APTX: variants seen among roughly 807,000 people sequenced by gnomAD.
APTX encodes the protein aprataxin, also known as forkhead-associated domain histidine triad-like protein.
A neutral mutation model predicts 42.3 loss-of-function variants in APTX; 33 were observed. The ratio of observed to expected loss-of-function variants is 0.78; its 90% CI spans 0.59 to 1.04. APTX has a LOEUF of 1.04. Among genes scored for constraint, APTX ranks in the 50% least tolerant of loss-of-function variants. The pLI is 0.00. For synonymous variants in APTX, 130 were observed against 146.7 expected, an observed-to-expected ratio of 0.89 and a Z score of 0.82; for missense variants, 421 against 415.1, an observed-to-expected ratio of 1.01 and a Z score of -0.12.
intron 6 of APTX, chr9:32,980,494 A>AGTGG (rs1468233536): frequency 1.3e-5 from 2 of 152,824 alleles, no homozygotes; most frequent in African/African-American, 4.8e-5. Context: ...AACAAGCCTC[A>AGTGG]GTGGTCCTGA....
chr9:32,998,863 A>G (rs1243652598), intron 1 of APTX, among the ~76,000 whole-genome samples: 4 of 151,042 alleles, frequency 2.6e-5, no homozygotes, highest in South Asian at 2.1e-4. Flanking sequence ...CCCAGAACTT[A>G]AAGTATAAAA....
chr9:32,985,326 GTTTTT>G (rs5897530), intron 5 of APTX, among the ~76,000 whole-genome samples: 5 of 103,076 alleles, frequency 4.9e-5, no homozygotes, highest in African/African-American at 1.3e-4. Flanking sequence ...GATGATGCCT[GTTTTT>G]TTTTTTTTTT....
Position 33,015,788 on chromosome 9 carries a change from G to A in APTX, c.-5+9235C>T, listed in dbSNP as rs1365649884. 2.0e-5 allele frequency: 3 copies of A among 151,864 alleles called. No homozygotes were observed. The South Asian group carries it at 6.2e-4, about 32-fold the overall frequency. 9.4% of individuals were successfully genotyped at this position (151,864 alleles called of 1,614,324 possible). A position where few individuals can be genotyped will look rare whatever the true frequency, so the allele number is the denominator to read the frequency against. On this transcript the variant is annotated intron_variant, in intron 1 of 6. Transcript: ENST00000436040. ...AGTAGATCTTGATGTCATATCATGG[G>A]CTTATAGGACACACTGAAGTTGTTT... is the stretch of plus-strand genomic sequence containing the variant.
Position 33,001,604 on chromosome 9 carries a change from T to G in APTX, c.-42A>C, listed in dbSNP as rs758583218. ...GAGACGGACAAATTCACGTTACTCA[T>G]CTGTGCCTCACCGCTTCCGGCGCTG... On this transcript the variant is annotated 5_prime_UTR_variant, in exon 1 of 8. It removes an upstream start codon present in the reference 5' UTR. Transcript: ENST00000379817. The G allele has an allele frequency of 6.2e-7, 1 of 1,613,970 alleles. No homozygotes were observed. Among genetic ancestry groups the G allele is most frequent in the East Asian group, 2.2e-5 (1 of 44,882 alleles).
upstream of APTX, chr9:33,001,652 T>A: frequency 3.1e-6 from 5 of 1,610,806 alleles, no homozygotes; most frequent in South Asian, 1.1e-5. Flanking sequence ...AGAGGCCGGC[T>A]GTATCGCGAC....
chr9:32,985,110 AC>A (rs1246847674), intron 5 of APTX, among the ~76,000 whole-genome samples: 5 of 152,354 alleles, frequency 3.3e-5, no homozygotes, highest in African/African-American at 1.2e-4. Flanking sequence ...CCACCACACT[AC>A]ACAGAATACA....
chr9:33,007,022 AAG>A (rs1491012149), intron 1 of APTX, among the ~76,000 whole-genome samples: 2,617 of 129,826 alleles, frequency 0.02, 89 homozygotes, highest in East Asian at 0.044. Flanking sequence ...AAAAAAAAAA[AAG>A]AAAGAAAGAA....
intron 4 of APTX, 56 bp from the exon 5 acceptor site, chr9:32,986,086 A>C: frequency 6.8e-7 from 1 of 1,473,384 alleles, no homozygotes; most frequent in Non-Finnish European, 9.3e-7. Flanking sequence ...AATGTAAATT[A>C]CAAATGCCAA....
intron 6 of APTX, 132 bp downstream of exon 6, chr9:32,984,499 C>T: frequency 1.1e-6 from 1 of 878,818 alleles, no homozygotes; most frequent in South Asian, 1.4e-5. Context: ...AGCTTCAGCC[C>T]ACCTGCTTTG....
Position 32,973,298 on chromosome 9 carries a change from A to C in APTX, c.*200T>G. 1 of 693,248 alleles carries C rather than the reference A, an allele frequency of 1.4e-6. No individual in the cohort carries two copies. Among genetic ancestry groups the C allele is most frequent in the Non-Finnish European group, 2.6e-6 (1 of 388,198 alleles). The allele number at this position is 693,248 out of a possible 1,614,324, so 42.9% of individuals were successfully genotyped here. A position where few individuals can be genotyped will look rare whatever the true frequency, so the allele number is the denominator to read the frequency against. ...CCCAGCCACCCTCACCAGAGAATACATCTATGACAAACCCAAATTCCTAAT... is the reference window on the plus strand; with the variant it reads ...CCCAGCCACCCTCACCAGAGAATACCTCTATGACAAACCCAAATTCCTAAT... On this transcript the variant is annotated 3_prime_UTR_variant, in exon 8 of 8. Coordinates refer to ENST00000379817, the MANE Select transcript of APTX (RefSeq NM_001195248.2).
chr9:32,992,244 C>A (rs1157763715), intron 1 of APTX, among the ~76,000 whole-genome samples: 2 of 152,148 alleles, frequency 1.3e-5, no homozygotes, highest in Non-Finnish European at 2.9e-5. Flanking sequence ...AAAAAAGAAA[C>A]CCGATTTTTA....
At chr9:33,011,584 C>T (rs1372252772) in intron 1 of APTX, among the ~76,000 whole-genome samples, 3 of 152,144 alleles carry the variant, frequency 2.0e-5, no homozygotes, top group African/African-American at 7.2e-5. Context: ...CGCGCCCGCC[C>T]GAAGTGCCAT....
chr9:32,973,602 T>G lies in APTX; in HGVS notation c.925A>C (p.Met309Leu), dbSNP rs747796522. 1 of 1,612,086 alleles carries G rather than the reference T, an allele frequency of 6.2e-7. No individual in the cohort carries two copies. Among genetic ancestry groups the G allele is most frequent in the Non-Finnish European group, 8.5e-7 (1 of 1,179,816 alleles). ...AGGGGCAGCTTCAAGAGCTCAGGCA[T>G]CCCATCTCGGACAGTTACTCTACCA... is the stretch of plus-strand genomic sequence containing the variant. ...EAGRVTVRDGMPELLKLPLRC... is the reference protein window; with the variant it reads ...EAGRVTVRDGLPELLKLPLRC... Residue 309 changes from methionine to leucine, a missense_variant, in exon 8 of 8, where the codon ATG (methionine) becomes CTG (leucine). By Grantham distance (15) the Met-to-Leu change is conservative. Transcript: ENST00000379817.
intron 6 of APTX, among the ~76,000 whole-genome samples, chr9:32,982,458 T>C (rs1014870421): frequency 3.3e-5 from 5 of 152,236 alleles, no homozygotes; most frequent in Non-Finnish European, 7.3e-5. Flanking sequence ...GTTAGTATTA[T>C]GAAAGGTCTT....
chr9:33,001,700 A>T, upstream of APTX: 2 of 1,525,866 alleles, frequency 1.3e-6, no homozygotes, highest in Non-Finnish European at 1.8e-6. Context: ...GGATTGGCTG[A>T]AAGAATCTTG....
upstream of APTX, among the ~76,000 whole-genome samples, chr9:33,005,307 T>G (rs1294374016): frequency 2.6e-5 from 4 of 152,212 alleles, no homozygotes; most frequent in South Asian, 8.3e-4. Context: ...TGGTGTTATA[T>G]CCAAGAAAAC....
chr9:33,020,414 C>T (rs1564006761), intron 1 of APTX, among the ~76,000 whole-genome samples: 1 of 152,120 alleles, frequency 6.6e-6, no homozygotes, highest in Admixed American at 6.6e-5. Context: ...TATTTTTCTC[C>T]CTCTCCATTT....
intron 1 of APTX, among the ~76,000 whole-genome samples, chr9:33,014,598 C>T (rs1837766867): frequency 1.3e-5 from 2 of 152,162 alleles, no homozygotes; most frequent in South Asian, 2.1e-4. Flanking sequence ...TCAGGGGAGC[C>T]GCCCTAAAGG....
chr9:32,999,366 T>C (rs1835726093), intron 1 of APTX, among the ~76,000 whole-genome samples: 1 of 152,196 alleles, frequency 6.6e-6, no homozygotes, highest in Non-Finnish European at 1.5e-5. Flanking sequence ...AGAAAGTTAT[T>C]GGATGACAGC....
Sources: allele counts gnomAD v4.1 joint callset (sites outside exome capture counted in the v4.1 genomes callset), GRCh38; gene constraint gnomAD v4.1.1; transcripts MANE v1.5; gene names NCBI Gene and HGNC (gene_info 2026-07-23, HGNC 2026-07-21).